The following RASGEF1A variants were observed in gnomAD, a reference collection of about 807,000 sequenced individuals.
The protein encoded by RASGEF1A is ras-GEF domain-containing family member 1A.
Under a neutral mutation model 56.4 loss-of-function variants are expected in RASGEF1A, and 18 were observed. The observed-to-expected ratio is 0.32, with a 90% CI of 0.22 to 0.47. RASGEF1A has a LOEUF of 0.47. Ranked by LOEUF, RASGEF1A falls within the 20% of genes least tolerant of loss-of-function variation. RASGEF1A has a pLI of 1.00. For missense variants in RASGEF1A, 422 were observed against 627.1 expected (o/e 0.67, Z 3.49); for synonymous variants, 245 against 242.6 (o/e 1.01, Z -0.09).
rs148624685 is a variant in RASGEF1A at position 43,236,769 on chromosome 10, C to T, written c.-7+30076G>A. 5.3e-4 allele frequency among the ~76,000 whole-genome samples: 81 copies of T among 152,374 alleles called. No individual in the cohort carries two copies. In the East Asian group the frequency reaches 0.015, roughly 28 times the overall value. On this transcript the variant is annotated intron_variant, in intron 1 of 12. Coordinates refer to ENST00000395810, the MANE Select transcript of RASGEF1A (RefSeq NM_145313.4). The stretch of plus-strand genomic sequence containing the variant: ...AAGGCTGGAGCAGCAGTGGCCCACT[C>T]AGGGCTCGCCCCTCCCTCGGAGCCC...
At chr10:43,246,446 G>A (rs1007950824) in intron 1 of RASGEF1A, among the ~76,000 whole-genome samples, 2 of 152,122 alleles carry the variant, frequency 1.3e-5, no homozygotes, top group African/African-American at 4.8e-5. Context: ...AAAATGAAAG[G>A]GACCTGGAAC....
intron 1 of RASGEF1A, chr10:43,207,388 G>T (rs571376428): frequency 1.1e-6 from 1 of 883,288 alleles, no homozygotes; most frequent in African/African-American, 2.5e-5. Flanking sequence ...CACCCCCCAC[G>T]TCAACACACA....
In RASGEF1A at chr10:43,201,837, T is replaced by C; in HGVS notation, c.430A>G (p.Ile144Val). 3 of 1,610,220 alleles carry C rather than the reference T, an allele frequency of 1.9e-6. 1 individual carries two copies. The highest frequency in any genetic ancestry group is 2.2e-5 in the South Asian group (2 of 90,836). Residue 144 changes from isoleucine to valine, a missense_variant, in exon 4 of 13, where the codon ATC (isoleucine) becomes GTC (valine). By Grantham distance (29) the Ile-to-Val change is conservative. Around this residue, in one of 2 missense-constraint regions of RASGEF1A, gnomAD observed 273 missense variants for 339.9 expected, o/e 0.80. Transcript: ENST00000395810. ...DEKAMAELKAITHRVTQCDEE... is the reference protein window; with the variant it reads ...DEKAMAELKAVTHRVTQCDEE... ...TCACACTGGGTGACACGGTGTGTGATGGCTTTCAGCTCGGCCATGGCCTTC... is the reference window on the plus strand; with the variant it reads ...TCACACTGGGTGACACGGTGTGTGACGGCTTTCAGCTCGGCCATGGCCTTC...
chr10:43,207,318 C>T (rs921192222), intron 1 of RASGEF1A: 1 of 985,448 alleles, frequency 1.0e-6, no homozygotes, highest in Non-Finnish European at 1.2e-6. Flanking sequence ...AGTGCCATGA[C>T]AGGACCGTGG....
At chr10:43,219,157 G>A (rs1840174747) in intron 1 of RASGEF1A, among the ~76,000 whole-genome samples, 1 of 152,154 alleles carries the variant, frequency 6.6e-6, no homozygotes, top group African/African-American at 2.4e-5. Context: ...CACTCCAGCC[G>A]CCTGGGGAGC....
chr10:43,217,941 A>G (rs999223904), intron 1 of RASGEF1A, among the ~76,000 whole-genome samples: 1 of 152,156 alleles, frequency 6.6e-6, no homozygotes, highest in Non-Finnish European at 1.5e-5. Flanking sequence ...TGCTGAGGCC[A>G]TGCACAGCAG....
At chr10:43,209,738 A>G (rs904744533) in intron 1 of RASGEF1A, among the ~76,000 whole-genome samples, 1 of 151,984 alleles carries the variant, frequency 6.6e-6, no homozygotes, top group African/African-American at 2.4e-5. Flanking sequence ...TTGCTCAACC[A>G]GCATTTGTGG....
intron 1 of RASGEF1A, among the ~76,000 whole-genome samples, chr10:43,240,712 G>C (rs562495418): frequency 6.6e-6 from 1 of 152,142 alleles, no homozygotes; most frequent in Non-Finnish European, 1.5e-5. Flanking sequence ...AATAAATAGA[G>C]CCACAGACAC....
At chr10:43,253,343 C>T (rs1374038888) in intron 1 of RASGEF1A, among the ~76,000 whole-genome samples, 3 of 152,230 alleles carry the variant, frequency 2.0e-5, no homozygotes, top group Non-Finnish European at 4.4e-5. Flanking sequence ...AGGGATTAGG[C>T]TCTCAAGAGT....
rs1197489535 is a variant in RASGEF1A, at chr10:43,199,177, G to C, written c.867C>G (p.His289Gln). The C allele has an allele frequency of 6.2e-7, 1 of 1,611,324 alleles. No individual in the cohort carries two copies. The highest frequency in any genetic ancestry group is 1.7e-5 in the Admixed American group (1 of 59,680). ...TEVCRVVKKK[H>Q]RTRMLEFFID... ...TGAAGAACTCCAACATGCGGGTCCGGTGTTTCTTCTTCACCACCTGGAAGG... is the reference window on the plus strand; with the variant it reads ...TGAAGAACTCCAACATGCGGGTCCGCTGTTTCTTCTTCACCACCTGGAAGG... Residue 289 changes from histidine (H) to glutamine (Q), a missense_variant, in exon 8 of 13, where the codon CAC becomes CAG. Physicochemically the swap from His to Gln is conservative, Grantham distance 24. Transcript: ENST00000395810.
At chr10:43,199,816 G>T in intron 6 of RASGEF1A, 48 bp from the exon 7 acceptor site, 1 of 1,491,334 alleles carries the variant, frequency 6.7e-7, no homozygotes. Flanking sequence ...ACCATGGCTG[G>T]ACAACTTAGT....
At chr10:43,246,347 AC>A (rs1394369389) in intron 1 of RASGEF1A, among the ~76,000 whole-genome samples, 9 of 152,186 alleles carry the variant, frequency 5.9e-5, no homozygotes, top group Non-Finnish European at 1.3e-4. Flanking sequence ...AAATTGACCT[AC>A]AGATTCAATG....
chr10:43,207,176 T>C (rs1840007896), intron 1 of RASGEF1A: 1 of 985,464 alleles, frequency 1.0e-6, no homozygotes, highest in Middle Eastern at 5.2e-4. Context: ...AGAGCCAGCC[T>C]CAACCTCCTG....
intron 1 of RASGEF1A, among the ~76,000 whole-genome samples, chr10:43,264,063 C>T (rs1004919412): frequency 6.6e-6 from 1 of 152,108 alleles, no homozygotes; most frequent in Admixed American, 6.5e-5. Context: ...CCACTCTGAG[C>T]AGGCCAGGAC....
chr10:43,235,750 G>A (rs1840423353), intron 1 of RASGEF1A, among the ~76,000 whole-genome samples: 1 of 152,212 alleles, frequency 6.6e-6, no homozygotes, highest in Non-Finnish European at 1.5e-5. Context: ...GGGGACAGTG[G>A]AGAACGCATC....
At chr10:43,208,711 C>A (rs1201325720) in intron 1 of RASGEF1A, 1 of 985,418 alleles carries the variant, frequency 1.0e-6, no homozygotes, top group African/African-American at 1.7e-5. Flanking sequence ...TCCAACAAAC[C>A]AAGACCCTGC....
At chr10:43,202,651 C>T (rs1430131416) in intron 3 of RASGEF1A, 5 of 467,182 alleles carry the variant, frequency 1.1e-5, no homozygotes, top group Admixed American at 2.4e-5. Context: ...GCCCCCGGCC[C>T]CCGCACCACC....
chr10:43,200,154 G>A, intron 6 of RASGEF1A, 28 bp downstream of exon 6: 1 of 1,559,840 alleles, frequency 6.4e-7, no homozygotes, highest in Non-Finnish European at 8.7e-7. Flanking sequence ...AGGGCTGGCA[G>A]GGGTGCCACA....
chr10:43,253,531 T>G (rs1840650367), intron 1 of RASGEF1A, among the ~76,000 whole-genome samples: 1 of 152,244 alleles, frequency 6.6e-6, no homozygotes, highest in South Asian at 2.1e-4. Context: ...CTTTCCCCGC[T>G]GCAGTCAGAG....
Sources: allele counts gnomAD v4.1 joint callset (sites outside exome capture counted in the v4.1 genomes callset), GRCh38; gene constraint gnomAD v4.1.1; regional missense constraint gnomAD v4.1.1; transcripts MANE v1.5; gene names NCBI Gene and HGNC (gene_info 2026-07-23, HGNC 2026-07-21).